The following DYNC2H1 variants were observed in gnomAD, a reference collection of about 807,000 sequenced individuals.
The protein encoded by DYNC2H1 is dynein cytoplasmic 2 heavy chain 1.
Under a neutral mutation model 570.0 loss-of-function variants are expected in DYNC2H1, and 410 were observed. The observed-to-expected ratio is 0.72, with a 90% CI of 0.66 to 0.78. The LOEUF (loss-of-function observed/expected upper bound fraction) is 0.78, where lower values mean the gene tolerates loss of function less well. DYNC2H1 is among the 30% of genes least tolerant of loss of function. The pLI is 0.00. For synonymous variants in DYNC2H1, 1,688 were observed against 1,677.6 expected, an observed-to-expected ratio of 1.01 and a Z score of -0.15; for missense variants, 4,865 against 5,046.4, an observed-to-expected ratio of 0.96 and a Z score of 1.09.
In DYNC2H1 at chr11:103,393,375, A is replaced by G. The variant is rs147959173; in HGVS notation, c.12157-6288A>G. 1.6e-3 allele frequency among the ~76,000 whole-genome samples: 247 copies of G among 152,310 alleles called. 1 individual carries two copies. Among genetic ancestry groups the G allele is most frequent in the Non-Finnish European group, 3.2e-3 (215 of 68,020 alleles). On this transcript the variant is annotated intron_variant, in intron 83 of 88. Transcript: ENST00000375735. ...TTACTTGATAGCTTCACAGAGCAGA[A>G]TCATTCCTCAGGCCAAATTATGGAG...
intron 47 of DYNC2H1, among the ~76,000 whole-genome samples, chr11:103,195,998 G>T (rs1413006372): frequency 6.6e-6 from 1 of 152,168 alleles, no homozygotes; most frequent in Non-Finnish European, 1.5e-5. Context: ...AGAAACAGAG[G>T]CTTGAGAAAA....
In DYNC2H1 at chr11:103,153,350, T is replaced by C. The variant is rs1398943952; in HGVS notation, c.3144T>C (p.Tyr1048=). Residue 1048 remains tyrosine, a synonymous_variant, in exon 22 of 89, where the codon TAT becomes TAC. Transcript: ENST00000375735. ...TGAAATCACGTCTTCAGATCTATTA[T>C]CAAGAACTGGAAAAATTTAAAGCTC... The part of the protein sequence containing the change: ...GNVKSRLQIY[Y]QELEKFKARW... The C allele has an allele frequency of 3.2e-6, 5 of 1,547,138 alleles. No homozygotes were observed. The highest frequency in any genetic ancestry group is 4.4e-6 in the Non-Finnish European group (5 of 1,145,842).
chr11:103,420,073 G>A (rs1591724349), intron 84 of DYNC2H1, among the ~76,000 whole-genome samples: 2 of 151,906 alleles, frequency 1.3e-5, no homozygotes, highest in South Asian at 4.2e-4. Context: ...AAGACAGGCA[G>A]ACAAGAATAG....
In DYNC2H1 at chr11:103,463,144, C is replaced by T. The variant is rs975103839; in HGVS notation, c.12649-5445C>T. Among the ~76,000 whole-genome samples, 4 of 152,248 alleles carry T rather than the reference C, an allele frequency of 2.6e-5. No homozygotes were observed. In the South Asian group the frequency reaches 8.3e-4, roughly 32 times the overall value. ...GCCCAGGGAGATTGTGATTCATCCA[C>T]TCTTATCTAAATATATACTAATGAT... On this transcript the variant is annotated intron_variant, in intron 87 of 88. Coordinates refer to ENST00000375735, the MANE Select transcript of DYNC2H1 (RefSeq NM_001377.3).
At chr11:103,111,763 G>C (rs527711491) in intron 1 of DYNC2H1, among the ~76,000 whole-genome samples, 1 of 152,052 alleles carries the variant, frequency 6.6e-6, no homozygotes, top group South Asian at 2.1e-4. Context: ...TGTACACTTC[G>C]CTACAGGTTT....
Position 103,479,107 on chromosome 11 carries a change from C to T in DYNC2H1, c.12778C>T (p.Pro4260Ser), listed in dbSNP as rs1945662548. The change falls in exon 89 of 89, where the codon CCA (proline) becomes TCA (serine). Residue 4260 changes from proline (P) to serine (S), a missense_variant. This residue lies in a region of DYNC2H1 where 2,401 missense variants were observed against 2,454.6 expected (regional missense o/e 0.98). Coordinates refer to ENST00000375735, the MANE Select transcript of DYNC2H1 (RefSeq NM_001377.3). ...ATTTTTTAAACAGGATGCATGTGGT[C>T]CATATTCTCCGGATGAGTGCATCTC... Reference protein sequence around the residue: ...MGWIPQDACGPYSPDECISLP... With the variant: ...MGWIPQDACGSYSPDECISLP... 1.9e-6 allele frequency: 3 copies of T among 1,613,584 alleles called. No individual in the cohort carries two copies.
At position 103,209,827 on chromosome 11, in the gene DYNC2H1, T is replaced by C. The variant is rs376000247; in HGVS notation, c.8455-49T>C. 11 of 1,341,630 alleles carry C rather than the reference T, an allele frequency of 8.2e-6. No individual in the cohort carries two copies. In the African/African-American group the frequency reaches 9.3e-5, roughly 11 times the overall value. 83.1% of individuals were successfully genotyped at this position (1,341,630 alleles called of 1,614,324 possible). On this transcript the variant is annotated intron_variant, in intron 52 of 88. Coordinates refer to ENST00000375735, the MANE Select transcript of DYNC2H1 (RefSeq NM_001377.3). The surrounding 1 kb of genome is among the most constrained non-coding windows in gnomAD (Gnocchi z 4.2). ...TTTTGTATTAAAGGTTTTTAACTTATGATATGGGACTTATACTCTTTCATA... is the reference window on the plus strand; with the variant it reads ...TTTTGTATTAAAGGTTTTTAACTTACGATATGGGACTTATACTCTTTCATA...
intron 83 of DYNC2H1, among the ~76,000 whole-genome samples, chr11:103,384,699 A>G (rs1490582179): frequency 6.6e-6 from 1 of 152,116 alleles, no homozygotes; most frequent in Non-Finnish European, 1.5e-5. Flanking sequence ...ATTGTACTCA[A>G]TTCCAACTTT....
intron 48 of DYNC2H1, among the ~76,000 whole-genome samples, chr11:103,198,555 G>A (rs1003690533): frequency 1.2e-4 from 18 of 152,106 alleles, no homozygotes; most frequent in African/African-American, 4.1e-4. Context: ...TTATAATCAA[G>A]AAGAAGAAAC....
chr11:103,182,719 A>T (rs1233544035), intron 40 of DYNC2H1, among the ~76,000 whole-genome samples: 1 of 151,944 alleles, frequency 6.6e-6, no homozygotes, highest in Non-Finnish European at 1.5e-5. Context: ...TGCTTTTATG[A>T]AAAATGAAAA....
Position 103,191,642 on chromosome 11 carries a change from T to TTGTGTG in DYNC2H1, c.7540+38_7540+43dup, listed in dbSNP as rs146014868. On this transcript the variant is annotated intron_variant, in intron 46 of 88. Coordinates refer to ENST00000375735, the MANE Select transcript of DYNC2H1 (RefSeq NM_001377.3). The stretch of plus-strand genomic sequence containing the variant: ...GAGGTGAGTTTTGCTAGTGTGTATC[T>TTGTGTG]TGTGTGTGTGTGTGTGTGTGCACAT... 0.047 allele frequency: 64,510 copies of TTGTGTG among 1,367,606 alleles called. 1,465 individuals are homozygous for TTGTGTG. The highest frequency in any genetic ancestry group is 0.055 in the Middle Eastern group (306 of 5,596). 84.7% of individuals were successfully genotyped at this position (1,367,606 alleles called of 1,614,324 possible).
Position 103,204,599 on chromosome 11 carries a change from C to A in DYNC2H1, c.8312-223C>A, listed in dbSNP as rs1294430639. Among the ~76,000 whole-genome samples, 2 of 152,106 alleles carry A rather than the reference C, an allele frequency of 1.3e-5. No homozygotes were observed. Among genetic ancestry groups the A allele is most frequent in the African/African-American group, 2.4e-5 (1 of 41,426 alleles). On this transcript the variant is annotated intron_variant, in intron 51 of 88. Coordinates refer to ENST00000375735, the MANE Select transcript of DYNC2H1 (RefSeq NM_001377.3). This position sits in a 1 kb window ranked among gnomAD's most constrained non-coding sequence, Gnocchi z 4.1. ...CACCACCCAGACATTATGACACTTA[C>A]ATTTTTCATGGACATTTTTCTGAGT... is the stretch of plus-strand genomic sequence containing the variant.
intron 82 of DYNC2H1, among the ~76,000 whole-genome samples, chr11:103,328,940 ATGT>A (rs1231939485): frequency 6.6e-6 from 1 of 152,198 alleles, no homozygotes; most frequent in Non-Finnish European, 1.5e-5. Flanking sequence ...TAAATTTGAT[ATGT>A]TAGTTCGAAT....
intron 59 of DYNC2H1, among the ~76,000 whole-genome samples, chr11:103,230,974 G>C (rs533049241): frequency 1.6e-3 from 238 of 152,020 alleles, no homozygotes; most frequent in Non-Finnish European, 2.9e-3. Context: ...ATTTTAGTAG[G>C]GTTCTAGAAG....
chr11:103,174,148 C>G lies in DYNC2H1; in HGVS notation c.5652C>G (p.Asn1884Lys), dbSNP rs1221359152. The change falls in exon 36 of 89, where the codon AAC becomes AAG. Residue 1884 changes from asparagine to lysine, a missense_variant. Physicochemically the swap from Asn to Lys is moderately conservative, Grantham distance 94. Transcript: ENST00000375735. ...RGSGNLLRQL[N>K]KSGTTQNANE... The stretch of plus-strand genomic sequence containing the variant: ...GTGGAAATCTCCTTAGACAGCTAAA[C>G]AAAAGTGGCACTACACAGAATGGTA... The G allele has an allele frequency of 6.3e-7, 1 of 1,579,352 alleles. No homozygotes were observed. Among genetic ancestry groups the G allele is most frequent in the Non-Finnish European group, 8.6e-7 (1 of 1,160,978 alleles).
chr11:103,267,767 G>A (rs1865565779), intron 70 of DYNC2H1, among the ~76,000 whole-genome samples: 1 of 151,818 alleles, frequency 6.6e-6, no homozygotes, highest in South Asian at 2.1e-4. Context: ...GGTTTGATTT[G>A]TTCCTTATCA....
At chr11:103,169,031 A>G (rs1026369469) in intron 32 of DYNC2H1, 71 bp downstream of exon 32, 22 of 1,325,314 alleles carry the variant, frequency 1.7e-5, no homozygotes, top group Non-Finnish European at 1.4e-5. Context: ...TGTTATTGGT[A>G]GAAATACTTT....
rs547032360 is a variant in DYNC2H1 at position 103,245,577 on chromosome 11, A to C, written c.10042+203A>C. 1.1e-4 allele frequency among the ~76,000 whole-genome samples: 16 copies of C among 152,240 alleles called. No homozygotes were observed. The South Asian group carries it at 2.3e-3, about 22-fold the overall frequency. On this transcript the variant is annotated intron_variant, in intron 65 of 88. Transcript: ENST00000375735. The surrounding 1 kb of genome is among the most constrained non-coding windows in gnomAD (Gnocchi z 4.5). ...AGCTCAGTAGAGACCTAGTACCCAT[A>C]GTTTACTGGGGGTTGATTACGTAAG...
At chr11:103,413,959 TAAAAACA>T (rs1249339726) in intron 84 of DYNC2H1, among the ~76,000 whole-genome samples, 2 of 152,054 alleles carry the variant, frequency 1.3e-5, no homozygotes, top group Non-Finnish European at 2.9e-5. Flanking sequence ...ATTTAGCAAA[TAAAAACA>T]GAAGTACATT....
Sources: gnomAD v4.1 joint callset for allele counts (sites outside exome capture counted in the v4.1 genomes callset) on GRCh38, gnomAD v4.1.1 for gene constraint, gnomAD v4.1.1 regional missense constraint, Gnocchi (gnomAD v3.1) non-coding constraint, MANE v1.5 for transcripts, NCBI Gene and HGNC (gene_info 2026-07-23, HGNC 2026-07-21) for gene names.